Variants in GRIK2 observed in about 807,000 individuals in gnomAD.
GRIK2 encodes glutamate ionotropic receptor kainate type subunit 2, also known as glutamate receptor ionotropic, kainate 2.
GRIK2 carries 32 observed loss-of-function variants against 100.3 expected under a neutral mutation model. The observed-to-expected ratio is 0.32, with a 90% CI of 0.24 to 0.43. The LOEUF is 0.43. Among genes scored for constraint, GRIK2 ranks in the 20% least tolerant of loss-of-function variants. The pLI is 1.00. For missense variants in GRIK2, 843 were observed against 1,114.9 expected (o/e 0.76, Z 3.47); for synonymous variants, 417 against 389.4 (o/e 1.07, Z -0.83).
intron 2 of GRIK2, among the ~76,000 whole-genome samples, chr6:101,598,326 A>G (rs1202120055): frequency 6.6e-6 from 1 of 151,302 alleles, no homozygotes; most frequent in Non-Finnish European, 1.5e-5. Context: ...CTTTGTCTCA[A>G]CTCATCCTGC....
At chr6:101,845,650 A>G (rs1342861872) in intron 10 of GRIK2, among the ~76,000 whole-genome samples, 2 of 152,104 alleles carry the variant, frequency 1.3e-5, no homozygotes, top group Admixed American at 6.6e-5. Flanking sequence ...TTAAACACCA[A>G]TTTTTAATCT....
chr6:101,597,898 G>A (rs1443969123), intron 2 of GRIK2, among the ~76,000 whole-genome samples: 1 of 151,684 alleles, frequency 6.6e-6, no homozygotes, highest in Non-Finnish European at 1.5e-5. Context: ...ATTTTACTGA[G>A]TCACCTCTGG....
At chr6:101,951,561 G>C (rs1304982339) in intron 14 of GRIK2, among the ~76,000 whole-genome samples, 1 of 152,170 alleles carries the variant, frequency 6.6e-6, no homozygotes, top group Non-Finnish European at 1.5e-5. Flanking sequence ...ATATGGTTTA[G>C]CTGTGTTCCC....
intron 14 of GRIK2, among the ~76,000 whole-genome samples, chr6:101,986,996 A>G (rs774884018): frequency 1.5e-4 from 23 of 151,686 alleles, no homozygotes; most frequent in Non-Finnish European, 2.7e-4. Context: ...AAATAAAATT[A>G]GCTGAGTCTG....
At chr6:102,043,534 T>C (rs1385132786) in intron 15 of GRIK2, among the ~76,000 whole-genome samples, 1 of 151,960 alleles carries the variant, frequency 6.6e-6, no homozygotes, top group East Asian at 1.9e-4. Flanking sequence ...CTGACTTCTT[T>C]CATTTAGCAT....
At chr6:102,006,368 TTATATA>T (rs3029070) in intron 14 of GRIK2, among the ~76,000 whole-genome samples, 6 of 125,822 alleles carry the variant, frequency 4.8e-5, no homozygotes, top group South Asian at 2.5e-4. Context: ...GATAAACCTT[TTATATA>T]TATATATATA....
At chr6:101,651,938 G>A (rs979186355) in intron 4 of GRIK2, among the ~76,000 whole-genome samples, 1 of 152,056 alleles carries the variant, frequency 6.6e-6, no homozygotes, top group Non-Finnish European at 1.5e-5. Context: ...TCTAAGATAA[G>A]AAGAAAACTA....
intron 2 of GRIK2, among the ~76,000 whole-genome samples, chr6:101,401,000 G>T (rs1366283989): frequency 6.6e-6 from 1 of 152,198 alleles, no homozygotes; most frequent in Non-Finnish European, 1.5e-5. Flanking sequence ...ACACGCGTGT[G>T]TGTGCATGTG....
chr6:101,691,912 G>A lies in GRIK2; in HGVS notation c.951+5559G>A, dbSNP rs529061213. 1.7e-3 allele frequency among the ~76,000 whole-genome samples: 254 copies of A among 151,920 alleles called. 2 individuals carry two copies. Among genetic ancestry groups the A allele is most frequent in the African/African-American group, 5.5e-3 (230 of 41,444 alleles). On this transcript the variant is annotated intron_variant, in intron 7 of 16. Coordinates refer to ENST00000369134, the MANE Select transcript of GRIK2 (RefSeq NM_021956.5). ...GTATAAAGATTTACTTGTATAGCTG[G>A]GTGTGGTGGGGCAGGCCTGTAGTCA...
In GRIK2 at chr6:102,055,420, G is replaced by A. The variant is rs200238788; in HGVS notation, c.2402G>A (p.Gly801Asp). The A allele has an allele frequency of 7.4e-6, 12 of 1,613,316 alleles. No homozygotes were observed. Among genetic ancestry groups the A allele is most frequent in the East Asian group, 2.2e-5 (1 of 44,824 alleles). Residue 801 changes from glycine (G) to aspartate (D), a missense_variant, in exon 16 of 17, where the codon GGC becomes GAC. Gly to Asp is a moderately conservative substitution (Grantham distance 94, BLOSUM62 -1). This residue lies in a region of GRIK2 where 237 missense variants were observed against 388.0 expected (regional missense o/e 0.61). Transcript: ENST00000369134. ...LHMMKEKWWR[G>D]NGCPEEESKE... ...ATGATGAAGGAGAAATGGTGGAGGG[G>A]CAATGGTTGCCCAGAAGAGGAGAGC... is the stretch of plus-strand genomic sequence containing the variant.
chr6:101,754,024 A>G (rs1015494090), intron 7 of GRIK2, among the ~76,000 whole-genome samples: 2 of 152,110 alleles, frequency 1.3e-5, no homozygotes, highest in African/African-American at 2.4e-5. Flanking sequence ...AAGATAAATT[A>G]CTTTTTTTAA....
chr6:101,852,822 A>G (rs1163453119), intron 10 of GRIK2, among the ~76,000 whole-genome samples: 1 of 152,200 alleles, frequency 6.6e-6, no homozygotes, highest in African/African-American at 2.4e-5. Flanking sequence ...ACTATGATCT[A>G]TGGAAATGTG....
chr6:101,931,770 T>C (rs1790301920), intron 14 of GRIK2, among the ~76,000 whole-genome samples: 1 of 152,154 alleles, frequency 6.6e-6, no homozygotes, highest in African/African-American at 2.4e-5. Context: ...TCTCACATTA[T>C]TTTCATGTAA....
At chr6:101,639,320 C>T (rs1781174408) in intron 4 of GRIK2, among the ~76,000 whole-genome samples, 1 of 152,138 alleles carries the variant, frequency 6.6e-6, no homozygotes, top group Non-Finnish European at 1.5e-5. Flanking sequence ...AGGCGTGAGC[C>T]ACCAAGCACA....
chr6:102,012,462 G>A (rs1795600440), intron 14 of GRIK2, among the ~76,000 whole-genome samples: 1 of 151,952 alleles, frequency 6.6e-6, no homozygotes. Context: ...ACAATATTGA[G>A]TCTTCCTATC....
rs759102823 is a variant in GRIK2, at chr6:102,068,427, C to T, written c.2643C>T (p.Ala881=). 1.2e-6 allele frequency: 2 copies of T among 1,611,922 alleles called. No homozygotes were observed. Among genetic ancestry groups the T allele is most frequent in the South Asian group, 1.1e-5 (1 of 91,036 alleles). Residue 881 remains alanine, a synonymous_variant, in exon 17 of 17, where the codon GCC becomes GCT. Transcript: ENST00000369134. The part of the protein sequence containing the change: ...CQRRLKHKPQ[A]PVIVKTEEVI... ...GTCGGTTAAAACATAAGCCACAGGC[C>T]CCAGTTATTGTGAAAACAGAAGAAG...
intron 5 of GRIK2, among the ~76,000 whole-genome samples, chr6:101,680,684 A>G (rs971719838): frequency 1.3e-5 from 2 of 152,186 alleles, no homozygotes; most frequent in African/African-American, 4.8e-5. Context: ...CAGAGTTGAT[A>G]AAGTAAAAAA....
At chr6:101,891,276 T>C (rs1041416210) in intron 12 of GRIK2, among the ~76,000 whole-genome samples, 1 of 151,956 alleles carries the variant, frequency 6.6e-6, no homozygotes, top group Admixed American at 6.6e-5. Flanking sequence ...CCCAGCACTT[T>C]GGGAGGCCAA....
chr6:101,594,452 C>CA (rs1311212392), intron 2 of GRIK2, among the ~76,000 whole-genome samples: 1 of 151,616 alleles, frequency 6.6e-6, no homozygotes, highest in African/African-American at 2.4e-5. Flanking sequence ...TTGTGCCACA[C>CA]AAAAAGCATA....
Sources: allele counts gnomAD v4.1 joint callset (sites outside exome capture counted in the v4.1 genomes callset), GRCh38; gene constraint gnomAD v4.1.1; regional missense constraint gnomAD v4.1.1; transcripts MANE v1.5; gene names NCBI Gene and HGNC (gene_info 2026-07-23, HGNC 2026-07-21).